Variants in PDE1A observed in about 807,000 individuals in gnomAD.
PDE1A encodes the protein dual specificity calcium/calmodulin-dependent 3',5'-cyclic nucleotide phosphodiesterase 1A.
Under a neutral mutation model 61.7 loss-of-function variants are expected in PDE1A, and 35 were observed. The ratio of observed to expected loss-of-function variants is 0.57; its 90% CI spans 0.43 to 0.75. PDE1A has a LOEUF of 0.75. Among genes scored for constraint, PDE1A ranks in the 30% least tolerant of loss-of-function variants. The pLI is 0.00. For synonymous variants in PDE1A, 232 were observed against 213.2 expected, an observed-to-expected ratio of 1.09 and a Z score of -0.77; for missense variants, 597 against 630.6, an observed-to-expected ratio of 0.95 and a Z score of 0.57.
chr2:182,398,006 G>A (rs762731315), intron 1 of PDE1A, among the ~76,000 whole-genome samples: 2 of 151,976 alleles, frequency 1.3e-5, no homozygotes, highest in South Asian at 2.1e-4. Context: ...GTTTACATGA[G>A]AGACATGGTA....
the PDE1A span, among the ~76,000 whole-genome samples, chr2:182,688,458 C>T: frequency 6.6e-6 from 1 of 152,164 alleles, no homozygotes; most frequent in Non-Finnish European, 1.5e-5. Flanking sequence ...AAATAAAATA[C>T]TTTACACACA....
intron 4 of PDE1A, among the ~76,000 whole-genome samples, chr2:182,232,023 A>G (rs1053510768): frequency 6.6e-6 from 1 of 152,140 alleles, no homozygotes; most frequent in African/African-American, 2.4e-5. Context: ...TTCAACTATT[A>G]TTATTTGCTC....
the PDE1A span, among the ~76,000 whole-genome samples, chr2:182,684,799 T>C: frequency 1.3e-5 from 2 of 152,164 alleles, no homozygotes; most frequent in African/African-American, 4.8e-5. Flanking sequence ...CATATAATTT[T>C]TAATTGACCA....
At chr2:182,352,825 T>C (rs1698965542) in intron 1 of PDE1A, among the ~76,000 whole-genome samples, 1 of 152,112 alleles carries the variant, frequency 6.6e-6, no homozygotes, top group Non-Finnish European at 1.5e-5. Context: ...AAGCAGTGAA[T>C]ACATTTCATC....
chr2:182,432,829 T>C (rs1704024122), intron 2 of PDE1A, among the ~76,000 whole-genome samples: 1 of 152,034 alleles, frequency 6.6e-6, no homozygotes, highest in African/African-American at 2.4e-5. Flanking sequence ...TTATGTCCTC[T>C]GGTCTCTGCA....
the PDE1A span, among the ~76,000 whole-genome samples, chr2:182,600,720 A>G: frequency 6.6e-6 from 1 of 152,238 alleles, no homozygotes; most frequent in African/African-American, 2.4e-5. Context: ...AAAGATGACC[A>G]CTTTGTAAAA....
At chr2:182,690,605 T>C in the PDE1A span, among the ~76,000 whole-genome samples, 1 of 152,176 alleles carries the variant, frequency 6.6e-6, no homozygotes, top group Non-Finnish European at 1.5e-5. Flanking sequence ...AAGCATTCCC[T>C]TTGAAAACTG....
At chr2:182,325,875 C>T (rs1356049591) in intron 1 of PDE1A, among the ~76,000 whole-genome samples, 4 of 152,112 alleles carry the variant, frequency 2.6e-5, no homozygotes, top group African/African-American at 4.8e-5. Context: ...GTTGAGATCA[C>T]GCCACTGCAC....
At chr2:182,501,421 G>T (rs1416452723) in intron 2 of PDE1A, among the ~76,000 whole-genome samples, 1 of 152,150 alleles carries the variant, frequency 6.6e-6, no homozygotes, top group Non-Finnish European at 1.5e-5. Flanking sequence ...TGTGGTCAAG[G>T]AAAAGCATCC....
intron 10 of PDE1A, among the ~76,000 whole-genome samples, chr2:182,191,758 T>C (rs1685709463): frequency 6.6e-6 from 1 of 151,440 alleles, no homozygotes; most frequent in African/African-American, 2.4e-5. Flanking sequence ...ACAAATGTAA[T>C]AGATGTATTT....
intron 6 of PDE1A, among the ~76,000 whole-genome samples, chr2:182,226,917 T>C (rs866213307): frequency 6.6e-6 from 1 of 152,000 alleles, no homozygotes; most frequent in African/African-American, 2.4e-5. Flanking sequence ...GAATTAACAT[T>C]AACTGGACAC....
At chr2:182,155,927 G>T (rs947221125) in intron 13 of PDE1A, among the ~76,000 whole-genome samples, 1 of 152,120 alleles carries the variant, frequency 6.6e-6, no homozygotes, top group South Asian at 2.1e-4. Flanking sequence ...CAAGGGCGGG[G>T]CCAGGTGAAG....
At chr2:182,604,428 C>A in the PDE1A span, among the ~76,000 whole-genome samples, 1 of 152,082 alleles carries the variant, frequency 6.6e-6, no homozygotes, top group Non-Finnish European at 1.5e-5. Context: ...AACATGCTGT[C>A]AATCATTATA....
At chr2:182,308,529 T>TC (rs1263124767) in intron 1 of PDE1A, among the ~76,000 whole-genome samples, 2 of 151,976 alleles carry the variant, frequency 1.3e-5, no homozygotes, top group African/African-American at 4.8e-5. Context: ...TCATGTTTTC[T>TC]CCCCCTTCAT....
intron 13 of PDE1A, among the ~76,000 whole-genome samples, chr2:182,180,730 C>A (rs1345607002): frequency 6.6e-6 from 1 of 151,532 alleles, no homozygotes; most frequent in Non-Finnish European, 1.5e-5. Context: ...TCCAATCAAT[C>A]GTAGCTTCAG....
the PDE1A span, among the ~76,000 whole-genome samples, chr2:182,661,795 G>A: frequency 6.6e-6 from 1 of 152,066 alleles, no homozygotes; most frequent in South Asian, 2.1e-4. Context: ...AATATCCTTT[G>A]TAATAATAGC....
the PDE1A span, among the ~76,000 whole-genome samples, chr2:182,701,096 G>A: frequency 2.0e-4 from 31 of 151,920 alleles, no homozygotes; most frequent in Non-Finnish European, 3.5e-4. Context: ...GTGCAGTGGC[G>A]CGATCTCAGC....
At chr2:182,336,957 T>A in intron 1 of PDE1A, among the ~76,000 whole-genome samples, 1 of 46,928 alleles carries the variant, frequency 2.1e-5, no homozygotes, top group South Asian at 4.8e-4. Flanking sequence ...TGCACATGTA[T>A]CCCTTTTTTT....
At chr2:182,161,574 T>C (rs985584451) in intron 13 of PDE1A, among the ~76,000 whole-genome samples, 8 of 152,092 alleles carry the variant, frequency 5.3e-5, no homozygotes, top group African/African-American at 1.9e-4. Context: ...CCTGCAGCAG[T>C]TGCCGGGCAA....
Sources: allele counts gnomAD v4.1 joint callset (sites outside exome capture counted in the v4.1 genomes callset), GRCh38; gene constraint gnomAD v4.1.1; transcripts MANE v1.5; gene names NCBI Gene and HGNC (gene_info 2026-07-23, HGNC 2026-07-21).